The following TANK variants were observed in gnomAD, a reference collection of about 807,000 sequenced individuals.
The protein encoded by TANK is TRAF family member-associated NF-kappa-B activator.
Under a neutral mutation model 43.6 loss-of-function variants are expected in TANK, and 15 were observed. That is an observed-to-expected ratio of 0.34 (90% CI 0.23 to 0.53). The LOEUF (loss-of-function observed/expected upper bound fraction) is 0.53. TANK is among the 20% of genes least tolerant of loss of function. TANK has a pLI of 0.94. For missense variants in TANK, 417 were observed against 498.6 expected, an observed-to-expected ratio of 0.84 and a Z score of 1.56; for synonymous variants, 162 against 178.2, an observed-to-expected ratio of 0.91 and a Z score of 0.73.
intron 4 of TANK, among the ~76,000 whole-genome samples, chr2:161,206,830 TC>T (rs1370826640): frequency 6.6e-6 from 1 of 152,162 alleles, no homozygotes; most frequent in Non-Finnish European, 1.5e-5. Flanking sequence ...AAACAATATT[TC>T]TAATCTTCCT....
At chr2:161,141,987 C>T (rs1683763034) in intron 1 of TANK, among the ~76,000 whole-genome samples, 1 of 152,142 alleles carries the variant, frequency 6.6e-6, no homozygotes, top group Admixed American at 6.5e-5. Flanking sequence ...GCCTCGTCAG[C>T]ATCTATTGCT....
chr2:161,187,860 T>C (rs1685735573), intron 2 of TANK, among the ~76,000 whole-genome samples: 2 of 152,164 alleles, frequency 1.3e-5, no homozygotes, highest in Non-Finnish European at 2.9e-5. Context: ...GCTAAGTATA[T>C]TTTCTAATCA....
upstream of TANK, among the ~76,000 whole-genome samples, chr2:161,157,108 A>T (rs952784113): frequency 6.6e-6 from 1 of 152,238 alleles, no homozygotes; most frequent in Non-Finnish European, 1.5e-5. Context: ...CATCACACAT[A>T]GTAGTGGAAT....
intron 4 of TANK, among the ~76,000 whole-genome samples, chr2:161,215,622 A>G (rs3769971): frequency 0.041 from 6,194 of 152,236 alleles, 264 homozygotes; most frequent in East Asian, 0.18. Flanking sequence ...TCTGAAATCA[A>G]TACTAAGAAA....
intron 4 of TANK, among the ~76,000 whole-genome samples, chr2:161,205,400 A>G (rs1686604649): frequency 6.6e-6 from 1 of 152,062 alleles, no homozygotes; most frequent in Admixed American, 6.6e-5. Flanking sequence ...GTGTGTGTAT[A>G]TATATAAACA....
chr2:161,201,166 T>C, intron 2 of TANK: 1 of 985,428 alleles, frequency 1.0e-6, no homozygotes, highest in South Asian at 4.7e-5. Flanking sequence ...TTTTTAAAAT[T>C]ATTGTAGACT....
intron 4 of TANK, chr2:161,208,199 A>G: frequency 1.0e-6 from 1 of 985,352 alleles, no homozygotes; most frequent in Non-Finnish European, 1.2e-6. Context: ...GCTGCCTTGG[A>G]AAAAAGAGAC....
At chr2:161,159,928 C>CAGAG (rs551741786), upstream of TANK, among the ~76,000 whole-genome samples, 472 of 152,262 alleles carry the variant, frequency 3.1e-3, 1 homozygote, top group African/African-American at 0.011. Context: ...TAGTGTTTCT[C>CAGAG]AGAGTGTGGA....
chr2:161,188,796 A>C lies in TANK; in HGVS notation c.99+9035A>C, dbSNP rs1278750583. 5.9e-5 allele frequency among the ~76,000 whole-genome samples: 9 copies of C among 152,342 alleles called. No individual in the cohort carries two copies. In the South Asian group the frequency reaches 8.3e-4, roughly 14 times the overall value. ...GCCTCCAAAACTCATGTTGAAATTT[A>C]ATTGCCAGTATAACAATATTAAGAA... On this transcript the variant is annotated intron_variant, in intron 2 of 7. Coordinates refer to ENST00000392749, the MANE Select transcript of TANK (RefSeq NM_001199135.3).
At chr2:161,230,847 A>G (rs1200949980) in intron 6 of TANK, 124 bp from the exon 7 acceptor site, 4 of 751,416 alleles carry the variant, frequency 5.3e-6, no homozygotes, top group East Asian at 5.4e-5. Flanking sequence ...TTAAAATCCC[A>G]GTTGTCTTCA....
At chr2:161,189,630 A>G (rs1205027899) in intron 2 of TANK, among the ~76,000 whole-genome samples, 1 of 152,188 alleles carries the variant, frequency 6.6e-6, no homozygotes, top group African/African-American at 2.4e-5. Context: ...GATCTTAAGT[A>G]TAGAAAGCCC....
chr2:161,203,303 C>A (rs534203108), intron 2 of TANK, among the ~76,000 whole-genome samples, 184 bp from the exon 3 acceptor site: 1 of 152,148 alleles, frequency 6.6e-6, no homozygotes, highest in African/African-American at 2.4e-5. Flanking sequence ...CTTTAAGTGT[C>A]TTGAATCACT....
At chr2:161,173,637 T>C (rs765444611) in intron 1 of TANK, among the ~76,000 whole-genome samples, 1 of 145,244 alleles carries the variant, frequency 6.9e-6, no homozygotes, top group African/African-American at 2.7e-5. Flanking sequence ...TGCCCAGACC[T>C]TTTTTTTTTA....
chr2:161,205,042 G>A, intron 4 of TANK: 1 of 1,104,512 alleles, frequency 9.1e-7, no homozygotes, highest in Non-Finnish European at 1.2e-6. Flanking sequence ...CAAAGAAATA[G>A]GGCTGGACAC....
chr2:161,207,859 T>G, intron 4 of TANK: 9 of 985,326 alleles, frequency 9.1e-6, no homozygotes, highest in Non-Finnish European at 1.1e-5. Context: ...GAAGGCATTA[T>G]AGAGAAATGG....
intron 1 of TANK, among the ~76,000 whole-genome samples, chr2:161,142,969 T>A (rs1046095137): frequency 2.6e-5 from 4 of 152,238 alleles, no homozygotes; most frequent in African/African-American, 9.6e-5. Flanking sequence ...TGGAATGTTT[T>A]TCCATTTGTT....
Position 161,235,496 on chromosome 2 carries a change from C to G in TANK, c.1256C>G (p.Ser419Ter). 1 of 1,613,554 alleles carries G rather than the reference C, an allele frequency of 6.2e-7. No individual in the cohort carries two copies. Among genetic ancestry groups the G allele is most frequent in the Non-Finnish European group, 8.5e-7 (1 of 1,179,778 alleles). Residue 419 changes from serine to a stop codon, truncating the protein, a stop_gained, in exon 8 of 8, where the codon TCA becomes TGA. Coordinates refer to ENST00000392749, the MANE Select transcript of TANK (RefSeq NM_001199135.3). LOFTEE classifies it high-confidence loss of function. ...GGGGATTTCCTTCGGCATCTTAATT[C>G]ACACTTCAATGGAGAGACTTAAGAC... ...SRGDFLRHLNSHFNGET is the reference protein window; with the variant it reads ...SRGDFLRHLN
chr2:161,220,065 G>A (rs1202413953), intron 4 of TANK, among the ~76,000 whole-genome samples: 2 of 152,158 alleles, frequency 1.3e-5, no homozygotes, highest in African/African-American at 4.8e-5. Context: ...ATCCCGAAAC[G>A]AAATAAAACA....
chr2:161,195,985 T>C (rs1057301014), intron 2 of TANK, among the ~76,000 whole-genome samples: 4 of 152,154 alleles, frequency 2.6e-5, no homozygotes, highest in Non-Finnish European at 5.9e-5. Context: ...TTCAGGAGCC[T>C]GAGGCAGGAG....
Sources: gnomAD v4.1 joint callset for allele counts (sites outside exome capture counted in the v4.1 genomes callset) on GRCh38, gnomAD v4.1.1 for gene constraint, MANE v1.5 for transcripts, NCBI Gene and HGNC (gene_info 2026-07-23, HGNC 2026-07-21) for gene names.